The following PATZ1 variants were observed in gnomAD, a reference collection of about 807,000 sequenced individuals.
PATZ1 encodes POZ-, AT hook-, and zinc finger-containing protein 1.
Under a neutral mutation model 46.2 loss-of-function variants are expected in PATZ1, and 9 were observed. The observed-to-expected ratio is 0.19, with a 90% confidence interval of 0.12 to 0.34. The LOEUF (loss-of-function observed/expected upper bound fraction) is 0.34. Among genes scored for constraint, PATZ1 ranks in the 10% least tolerant of loss-of-function variants. The pLI is 1.00. For synonymous variants in PATZ1, 426 were observed against 378.6 expected (o/e 1.13, Z -1.45); for missense variants, 632 against 923.0 (o/e 0.68, Z 4.08).
At chr22:31,336,832 G>A (rs1033003512) in intron 2 of PATZ1, among the ~76,000 whole-genome samples, 9 of 145,430 alleles carry the variant, frequency 6.2e-5, no homozygotes, top group East Asian at 2.0e-4. Context: ...AAAAAAATCC[G>A]GGCGCGGTGG....
chr22:31,345,739 GT>G lies in PATZ1; in HGVS notation c.-138del. The G allele has an allele frequency of 1.2e-6, 1 of 853,374 alleles. No individual in the cohort carries two copies. Among genetic ancestry groups the G allele is most frequent in the South Asian group, 1.8e-5 (1 of 55,032 alleles). The allele number at this position is 853,374 out of a possible 1,614,324, so 52.9% of individuals were successfully genotyped here. Reference sequence around the variant, plus strand: ...GGCCCGAGGCTCTGTAGTCTCGCAGGTGCGCCGAGTGTACACGCCCCCAGCC... The same window carrying G: ...GGCCCGAGGCTCTGTAGTCTCGCAGGGCGCCGAGTGTACACGCCCCCAGCC... On this transcript the variant is annotated 5_prime_UTR_variant, in exon 1 of 5. Coordinates refer to ENST00000266269, the MANE Select transcript of PATZ1 (RefSeq NM_014323.3). The surrounding 1 kb of genome is among the most constrained non-coding windows in gnomAD (Gnocchi z 7.4).
At chr22:31,336,805 CA>C (rs747328196) in intron 2 of PATZ1, among the ~76,000 whole-genome samples, 1,430 of 64,512 alleles carry the variant, frequency 0.022, 5 homozygotes, top group African/African-American at 0.047. Flanking sequence ...GACTTCCTCT[CA>C]AAAAAAAAAA....
rs983424829 is a variant in PATZ1, at chr22:31,340,652, A to G, written c.1335+2245T>C. On this transcript the variant is annotated intron_variant, in intron 2 of 4. Transcript: ENST00000266269. ...GATGTCAGTGTTATGACACAGACCAAGGACAAAACACACAAAGCCTCAAAT... is the reference window on the plus strand; with the variant it reads ...GATGTCAGTGTTATGACACAGACCAGGGACAAAACACACAAAGCCTCAAAT... 5 of 1,015,440 alleles carry G rather than the reference A, an allele frequency of 4.9e-6. No individual in the cohort carries two copies. The African/African-American group carries it at 6.9e-5, about 14-fold the overall frequency. The allele number at this position is 1,015,440 out of a possible 1,614,324, so 62.9% of individuals were successfully genotyped here. A position where few individuals can be genotyped will look rare whatever the true frequency, so the allele number is the denominator to read the frequency against.
intron 3 of PATZ1, among the ~76,000 whole-genome samples, chr22:31,330,580 A>G (rs2049428992): frequency 6.6e-6 from 1 of 152,184 alleles, no homozygotes; most frequent in Admixed American, 6.5e-5. Flanking sequence ...CTCCAACCCC[A>G]GGATCATGTG....
At chr22:31,335,614 G>T in intron 3 of PATZ1, 78 bp downstream of exon 3, 1 of 1,379,146 alleles carries the variant, frequency 7.3e-7, no homozygotes, top group African/African-American at 1.4e-5. Flanking sequence ...TCTGAGGCAG[G>T]GTGATTGAGA....
intron 2 of PATZ1, among the ~76,000 whole-genome samples, chr22:31,336,743 T>C (rs2049514624): frequency 1.4e-5 from 2 of 144,898 alleles, no homozygotes; most frequent in Admixed American, 7.0e-5. Context: ...GAGGTAGAGG[T>C]TGCAGTGAGC....
intron 1 of PATZ1, among the ~76,000 whole-genome samples, chr22:31,343,968 G>C (rs2049615162): frequency 6.6e-6 from 1 of 152,010 alleles, no homozygotes; most frequent in Admixed American, 6.6e-5. Context: ...ATTCAAGCGG[G>C]GAAGTCGCTG....
rs1230452028 is a variant in PATZ1, at chr22:31,335,875, A to T, written c.1336-12T>A. 1 of 1,610,320 alleles carries T rather than the reference A, an allele frequency of 6.2e-7. No individual in the cohort carries two copies. Among genetic ancestry groups the T allele is most frequent in the South Asian group, 1.1e-5 (1 of 91,010 alleles). Reference sequence around the variant, plus strand: ...GAAGCATTGCAGGTCTGAAGGCAGAAAAGAAAATGGGATGATGTGAAACCC... The same window carrying T: ...GAAGCATTGCAGGTCTGAAGGCAGATAAGAAAATGGGATGATGTGAAACCC... On this transcript the variant is annotated splice_polypyrimidine_tract_variant and intron_variant, in intron 2 of 4. Transcript: ENST00000266269.
chr22:31,336,317 G>T (rs1454737982), intron 2 of PATZ1, among the ~76,000 whole-genome samples: 1 of 152,120 alleles, frequency 6.6e-6, no homozygotes. Flanking sequence ...TTTATACAAA[G>T]AATTATATTT....
Position 31,328,961 on chromosome 22 carries a change from G to A in PATZ1, c.1508-37C>T, listed in dbSNP as rs373817737. ...AAAAGGAGATGAGATCCCGCGGCCAGCAAGAGATACCTCTCTCCTTCCCCC... is the reference window on the plus strand; with the variant it reads ...AAAAGGAGATGAGATCCCGCGGCCAACAAGAGATACCTCTCTCCTTCCCCC... On this transcript the variant is annotated intron_variant, in intron 3 of 4. Transcript: ENST00000266269. This position sits in a 1 kb window ranked among gnomAD's most constrained non-coding sequence, Gnocchi z 4.8. 3.9e-6 allele frequency: 6 copies of A among 1,556,986 alleles called. No homozygotes were observed. In the African/African-American group the frequency reaches 6.8e-5, roughly 18 times the overall value.
chr22:31,338,746 G>C (rs991462162), intron 2 of PATZ1, among the ~76,000 whole-genome samples: 1 of 152,188 alleles, frequency 6.6e-6, no homozygotes, highest in Non-Finnish European at 1.5e-5. Flanking sequence ...ACATGGATCA[G>C]GTGTAAGAAA....
chr22:31,342,640 G>A (rs1389459736), intron 2 of PATZ1, among the ~76,000 whole-genome samples: 5 of 152,178 alleles, frequency 3.3e-5, no homozygotes, highest in African/African-American at 1.2e-4. Context: ...GGAAAGCCAA[G>A]CAACAGAGTG....
At position 31,341,000 on chromosome 22, in the gene PATZ1, G is replaced by A. The variant is rs551668891; in HGVS notation, c.1335+1897C>T. 1.1e-3 allele frequency: 1,130 copies of A among 1,074,770 alleles called. 2 individuals are homozygous for A. The highest frequency in any genetic ancestry group is 1.2e-3 in the Non-Finnish European group (1,074 of 885,818). 66.6% of individuals were successfully genotyped at this position (1,074,770 alleles called of 1,614,324 possible). ...GTCTTCTCTGGAGGCCGACTCACTCGTGGAGTGGGGAAAGGGGTGGCCAGG... is the reference window on the plus strand; with the variant it reads ...GTCTTCTCTGGAGGCCGACTCACTCATGGAGTGGGGAAAGGGGTGGCCAGG... On this transcript the variant is annotated intron_variant, in intron 2 of 4. Coordinates refer to ENST00000266269, the MANE Select transcript of PATZ1 (RefSeq NM_014323.3).
chr22:31,343,435 G>T (rs1459816590), intron 1 of PATZ1: 4 of 987,332 alleles, frequency 4.1e-6, no homozygotes, highest in Non-Finnish European at 4.8e-6. Flanking sequence ...GCCAGCAGTG[G>T]AGCCTTAAGT....
Position 31,327,697 on chromosome 22 carries a change from G to T in PATZ1, c.1646-388C>A, listed in dbSNP as rs759312610. 6.6e-6 allele frequency among the ~76,000 whole-genome samples: 1 copy of T among 152,146 alleles called. No homozygotes were observed. The highest frequency in any genetic ancestry group is 2.4e-5 in the African/African-American group (1 of 41,410). On this transcript the variant is annotated intron_variant, in intron 4 of 4. Transcript: ENST00000266269. This position sits in a 1 kb window ranked among gnomAD's most constrained non-coding sequence, Gnocchi z 4.2. ...CTGAGGGTAAAATTGGTATTCTGAT[G>T]ATGCCGAGCCAGTGTAATAGTAGCC...
chr22:31,341,557 G>A (rs763794954), intron 2 of PATZ1: 2 of 1,614,120 alleles, frequency 1.2e-6, no homozygotes, highest in Non-Finnish European at 1.7e-6. Context: ...TTTAGAGAAA[G>A]GGAAAAGGCG....
In PATZ1 at chr22:31,328,993, TCTC is replaced by T; in HGVS notation, c.1508-72_1508-70del. 1 of 1,500,384 alleles carries T rather than the reference TCTC, an allele frequency of 6.7e-7. No individual in the cohort carries two copies. 92.9% of individuals were successfully genotyped at this position (1,500,384 alleles called of 1,614,324 possible). On this transcript the variant is annotated intron_variant, in intron 3 of 4. Transcript: ENST00000266269. The surrounding 1 kb of genome is among the most constrained non-coding windows in gnomAD (Gnocchi z 4.8). ...ATACCTCTCTCCTTCCCCCAACTCC[TCTC>T]CTCTGGCCGCTCTGGCTAGCATTCC...
At position 31,344,431 on chromosome 22, in the gene PATZ1, C is replaced by T. The variant is rs771138297; in HGVS notation, c.1172G>A (p.Arg391Gln). 1.9e-6 allele frequency: 3 copies of T among 1,614,206 alleles called. No homozygotes were observed. Among genetic ancestry groups the T allele is most frequent in the East Asian group, 2.2e-5 (1 of 44,876 alleles). Reference protein sequence around the residue: ...KPYSCPVCGLRFKRKDRMSYH... With the variant: ...KPYSCPVCGLQFKRKDRMSYH... Reference sequence around the variant, plus strand: ...GGACATGCGGTCTTTTCTCTTGAACCGCAACCCACACACAGGGCAGGAGTA... The same window carrying T: ...GGACATGCGGTCTTTTCTCTTGAACTGCAACCCACACACAGGGCAGGAGTA... Residue 391 changes from arginine (R) to glutamine (Q), a missense_variant, in exon 1 of 5, where the codon CGG becomes CAG. This residue lies in a region of PATZ1 where 55 missense variants were observed against 169.0 expected (regional missense o/e 0.33). Transcript: ENST00000266269.
chr22:31,342,255 G>A (rs2049591907), intron 2 of PATZ1, among the ~76,000 whole-genome samples: 1 of 152,122 alleles, frequency 6.6e-6, no homozygotes, highest in Non-Finnish European at 1.5e-5. Flanking sequence ...GAATCTATCT[G>A]GTCCAGCGTT....
Sources: gnomAD v4.1 joint callset for allele counts (sites outside exome capture counted in the v4.1 genomes callset) on GRCh38, gnomAD v4.1.1 for gene constraint, gnomAD v4.1.1 regional missense constraint, Gnocchi (gnomAD v3.1) non-coding constraint, MANE v1.5 for transcripts, NCBI Gene and HGNC (gene_info 2026-07-23, HGNC 2026-07-21) for gene names.